Variants in ACADM observed in about 807,000 individuals in gnomAD.
ACADM encodes acyl-CoA dehydrogenase medium chain.
Under a neutral mutation model 58.9 loss-of-function variants are expected in ACADM, and 49 were observed. The ratio of observed to expected loss-of-function variants is 0.83; its 90% CI spans 0.66 to 1.06. ACADM has a LOEUF of 1.06. Ranked by LOEUF, ACADM falls within the 50% of genes least tolerant of loss-of-function variation. The pLI is 0.00. For synonymous variants in ACADM, 160 were observed against 157.7 expected, an observed-to-expected ratio of 1.01 and a Z score of -0.11; for missense variants, 496 against 507.0, an observed-to-expected ratio of 0.98 and a Z score of 0.21.
chr1:75,755,982 C>G (rs1648483838), intron 10 of ACADM, among the ~76,000 whole-genome samples: 1 of 152,170 alleles, frequency 6.6e-6, no homozygotes, highest in Non-Finnish European at 1.5e-5. Context: ...ATGATTATCT[C>G]AATAGATGCA....
At chr1:75,732,794 T>C in intron 3 of ACADM, 53 bp downstream of exon 3, 1 of 1,604,552 alleles carries the variant, frequency 6.2e-7, no homozygotes, top group Non-Finnish European at 8.5e-7. Flanking sequence ...TTTACAAGAT[T>C]ATGTAATCAA....
At chr1:75,728,914 A>G (rs573305545) in intron 2 of ACADM, among the ~76,000 whole-genome samples, 2 of 152,154 alleles carry the variant, frequency 1.3e-5, no homozygotes, top group Non-Finnish European at 1.5e-5. Flanking sequence ...TTTTGGTACT[A>G]TTAGATGAAG....
At chr1:75,729,295 C>CTTT (rs35372302) in intron 2 of ACADM, among the ~76,000 whole-genome samples, 23 of 85,346 alleles carry the variant, frequency 2.7e-4, no homozygotes, top group African/African-American at 1.0e-3. Context: ...TTTCTTTTTT[C>CTTT]TTTTTTTTTT....
chr1:75,746,553 A>G, intron 8 of ACADM, among the ~76,000 whole-genome samples: 1 of 152,110 alleles, frequency 6.6e-6, no homozygotes, highest in East Asian at 1.9e-4. Context: ...ACAATTTAAA[A>G]TTATAAATTT....
At chr1:75,743,483 C>T in intron 7 of ACADM, 2 of 1,611,106 alleles carry the variant, frequency 1.2e-6, no homozygotes, top group African/African-American at 1.3e-5. Flanking sequence ...AGGAAAGTCA[C>T]AGCCTCTCTG....
intron 8 of ACADM, among the ~76,000 whole-genome samples, chr1:75,749,217 C>T (rs985593643): frequency 9.9e-5 from 15 of 152,148 alleles, no homozygotes; most frequent in Non-Finnish European, 1.8e-4. Flanking sequence ...GCCATTGTAG[C>T]AAGAAAGTAA....
At position 75,745,684 on chromosome 1, in the gene ACADM, T is replaced by A. The variant is rs1009680465; in HGVS notation, c.600-122T>A. The stretch of plus-strand genomic sequence containing the variant: ...GCAAGTTTTTAAACCTGATTATTTA[T>A]TTCCTCATTTGTAAAATGTAGGTAA... On this transcript the variant is annotated intron_variant, in intron 7 of 11. Coordinates refer to ENST00000370841, the MANE Select transcript of ACADM (RefSeq NM_000016.6). The A allele has an allele frequency of 2.2e-5, 18 of 825,066 alleles. No homozygotes were observed. In the Admixed American group the frequency reaches 3.3e-4, roughly 15 times the overall value. The allele number at this position is 825,066 out of a possible 1,614,324, so 51.1% of individuals were successfully genotyped here. A position where few individuals can be genotyped will look rare whatever the true frequency, so the allele number is the denominator to read the frequency against.
intron 2 of ACADM, among the ~76,000 whole-genome samples, chr1:75,729,209 A>AT (rs1234961697): frequency 8.4e-6 from 1 of 119,462 alleles, no homozygotes; most frequent in Non-Finnish European, 1.7e-5. Context: ...TTTTTTAAAG[A>AT]TTTTTCCCTT....
At chr1:75,733,297 A>G in intron 4 of ACADM, 2 of 1,227,950 alleles carry the variant, frequency 1.6e-6, no homozygotes, top group Middle Eastern at 2.2e-4. Flanking sequence ...ATCAAGTTAG[A>G]ACAGGAATAC....
chr1:75,749,715 T>TG (rs1198591571), intron 9 of ACADM, among the ~76,000 whole-genome samples, 156 bp downstream of exon 9: 3 of 142,898 alleles, frequency 2.1e-5, no homozygotes, highest in Non-Finnish European at 3.0e-5. Flanking sequence ...TTTCTTTCTT[T>TG]TTTTTTTTTT....
chr1:75,751,989 A>G (rs1452388149), intron 10 of ACADM, among the ~76,000 whole-genome samples: 1 of 115,560 alleles, frequency 8.7e-6, no homozygotes, highest in Admixed American at 9.3e-5. Flanking sequence ...TGAACCTCCT[A>G]TTTCTCTTTT....
intron 7 of ACADM, chr1:75,743,342 G>A: frequency 6.6e-7 from 1 of 1,516,546 alleles, no homozygotes; most frequent in Non-Finnish European, 9.0e-7. Context: ...AGGCTAACCT[G>A]GGACCCATGA....
intron 6 of ACADM, among the ~76,000 whole-genome samples, chr1:75,735,106 G>A (rs1647219812): frequency 6.6e-6 from 1 of 152,020 alleles, no homozygotes; most frequent in South Asian, 2.1e-4. Flanking sequence ...GATTACTTGA[G>A]GTTAGGAGTT....
chr1:75,744,961 CAT>C (rs1249095466), intron 7 of ACADM, among the ~76,000 whole-genome samples: 2 of 152,094 alleles, frequency 1.3e-5, no homozygotes, highest in Admixed American at 1.3e-4. Context: ...ACTTGCAACT[CAT>C]ATTACTAAAA....
chr1:75,743,841 C>T, intron 7 of ACADM: 1 of 1,406,560 alleles, frequency 7.1e-7, no homozygotes, highest in Non-Finnish European at 1.0e-6. Flanking sequence ...CAATATAATC[C>T]CTATATACCA....
intron 10 of ACADM, among the ~76,000 whole-genome samples, chr1:75,760,457 G>T (rs919016299): frequency 7.0e-6 from 1 of 142,642 alleles, no homozygotes; most frequent in African/African-American, 2.6e-5. Context: ...CTACTTTGGG[G>T]GCTGAGGCGG....
intron 1 of ACADM, among the ~76,000 whole-genome samples, chr1:75,725,722 A>G (rs1444339365): frequency 6.6e-6 from 1 of 152,232 alleles, no homozygotes; most frequent in African/African-American, 2.4e-5. Context: ...TTGGAATTTC[A>G]TTGTTCTAGA....
intron 8 of ACADM, 60 bp from the exon 9 acceptor site, chr1:75,749,359 A>G (rs1362937339): frequency 6.3e-7 from 1 of 1,584,042 alleles, no homozygotes; most frequent in African/African-American, 1.4e-5. Flanking sequence ...ACAGTGATTA[A>G]AGCAAAAATT....
rs570746636 is a variant in ACADM, at chr1:75,735,144, C to T, written c.468+273C>T. Among the ~76,000 whole-genome samples the T allele has an allele frequency of 2.0e-5, 3 of 151,802 alleles. No homozygotes were observed. In the South Asian group the frequency reaches 6.3e-4, roughly 32 times the overall value. On this transcript the variant is annotated intron_variant, in intron 6 of 11. Transcript: ENST00000370841. ...CAGCCTGGCTAACGTGGTGAAACCC[C>T]ATCTCTACTGAAAATACAAAAATTA...
Sources: gnomAD v4.1 joint callset for allele counts (sites outside exome capture counted in the v4.1 genomes callset) on GRCh38, gnomAD v4.1.1 for gene constraint, MANE v1.5 for transcripts, NCBI Gene and HGNC (gene_info 2026-07-23, HGNC 2026-07-21) for gene names.